The following IFIH1 variants were observed in gnomAD, a reference collection of about 807,000 sequenced individuals.
IFIH1 encodes the protein interferon induced with helicase C domain 1, also known as interferon-induced helicase C domain-containing protein 1.
Under a neutral mutation model 107.4 loss-of-function variants are expected in IFIH1, and 125 were observed. That is an observed-to-expected ratio of 1.16 (90% confidence interval 1.01 to 1.35). The LOEUF (loss-of-function observed/expected upper bound fraction) is 1.35. Ranked by LOEUF, IFIH1 falls within the 40% of genes most tolerant of loss-of-function variation. The probability of loss-of-function intolerance (pLI) is 0.00; values close to 1 mark genes in which losing one functional copy is unlikely to be tolerated. For synonymous variants in IFIH1, 458 were observed against 413.2 expected (o/e 1.11, Z -1.31); for missense variants, 1,333 against 1,213.7 (o/e 1.10, Z -1.46).
At position 162,268,130 on chromosome 2, in the gene IFIH1, C is replaced by A; in HGVS notation, c.2764G>T (p.Val922Leu). 6.2e-7 allele frequency: 1 copy of A among 1,610,710 alleles called. No individual in the cohort carries two copies. ...VLACSGEDIH[V>L]IEKMHHVNMT... ...TTGACGTGATGCATTTTCTCAATTA[C>A]ATGGATATCTTCCCCAGAACAGGCT... Residue 922 changes from valine (V) to leucine (L), a missense_variant, in exon 14 of 16, where the codon GTA (valine) becomes TTA (leucine). Val to Leu is a conservative substitution (Grantham distance 32, BLOSUM62 1). Transcript: ENST00000649979.
chr2:162,288,475 A>G (rs1682935729), intron 4 of IFIH1, 120 bp from the exon 5 acceptor site: 7 of 661,592 alleles, frequency 1.1e-5, no homozygotes, highest in Non-Finnish European at 1.8e-5. Flanking sequence ...GGTCCAAACC[A>G]ATTCATTTTC....
intron 6 of IFIH1, among the ~76,000 whole-genome samples, chr2:162,281,884 T>C (rs1429787952): frequency 3.3e-5 from 5 of 152,182 alleles, no homozygotes; most frequent in East Asian, 3.9e-4. Flanking sequence ...TTTAATAAAA[T>C]ATTTAATTTT....
intron 4 of IFIH1, among the ~76,000 whole-genome samples, chr2:162,290,273 AT>A (rs1174864031): frequency 2.0e-5 from 3 of 151,890 alleles, no homozygotes; most frequent in African/African-American, 7.2e-5. Context: ...CATTTTAATA[AT>A]AATTTCCCCC....
At chr2:162,294,525 C>A (rs984389902) in intron 3 of IFIH1, among the ~76,000 whole-genome samples, 66 of 151,868 alleles carry the variant, frequency 4.3e-4, no homozygotes, top group African/African-American at 1.5e-3. Context: ...GAAGGACTTG[C>A]AAAATTTGCT....
At chr2:162,292,433 A>G (rs1683010247) in intron 4 of IFIH1, among the ~76,000 whole-genome samples, 2 of 151,920 alleles carry the variant, frequency 1.3e-5, no homozygotes, top group South Asian at 4.1e-4. Context: ...GTTTCCTCAA[A>G]CTAATTTGTT....
At chr2:162,271,859 T>C (rs908390683) in intron 13 of IFIH1, among the ~76,000 whole-genome samples, 1 of 152,202 alleles carries the variant, frequency 6.6e-6, no homozygotes, top group East Asian at 1.9e-4. Context: ...TGGCACACAG[T>C]AGGCGTTTCA....
At chr2:162,278,747 G>A (rs986123767) in intron 8 of IFIH1, among the ~76,000 whole-genome samples, 1 of 152,102 alleles carries the variant, frequency 6.6e-6, no homozygotes, top group African/African-American at 2.4e-5. Context: ...AGTTGAAGTA[G>A]AGTCTGAATA....
intron 3 of IFIH1, among the ~76,000 whole-genome samples, chr2:162,303,681 T>C (rs770636087): frequency 5.3e-5 from 8 of 152,042 alleles, no homozygotes; most frequent in Non-Finnish European, 8.8e-5. Flanking sequence ...AATAAAAAGC[T>C]TTTCTGTCCC....
At chr2:162,304,841 T>G (rs1348547162) in intron 3 of IFIH1, among the ~76,000 whole-genome samples, 1 of 152,218 alleles carries the variant, frequency 6.6e-6, no homozygotes, top group East Asian at 1.9e-4. Flanking sequence ...TATCCCATAC[T>G]CTTGGAGAAC....
intron 2 of IFIH1, 53 bp from the exon 3 acceptor site, chr2:162,306,908 G>C: frequency 2.7e-6 from 4 of 1,499,676 alleles, no homozygotes; most frequent in Non-Finnish European, 2.8e-6. Context: ...AGTTTTTGTA[G>C]AGCATACATA....
rs779515192 is a variant in IFIH1, at chr2:162,288,325, G to A, written c.905C>T (p.Pro302Leu). 1.3e-5 allele frequency: 21 copies of A among 1,612,402 alleles called. No homozygotes were observed. The highest frequency in any genetic ancestry group is 2.7e-5 in the African/African-American group (2 of 74,758). The change falls in exon 5 of 16, where the codon CCG becomes CTG. Residue 302 changes from proline to leucine, a missense_variant. Coordinates refer to ENST00000649979, the MANE Select transcript of IFIH1 (RefSeq NM_022168.4). ...AGGCCTGAGCTGGAGTTCTGGCTCCGGGGATGCTCTTGCTGCCACATTCTC... is the reference window on the plus strand; with the variant it reads ...AGGCCTGAGCTGGAGTTCTGGCTCCAGGGATGCTCTTGCTGCCACATTCTC... Reference protein sequence around the residue: ...DEENVAARASPEPELQLRPYQ... With the variant: ...DEENVAARASLEPELQLRPYQ...
intron 3 of IFIH1, among the ~76,000 whole-genome samples, chr2:162,296,613 T>A (rs115568613): frequency 6.6e-6 from 1 of 152,272 alleles, no homozygotes; most frequent in Non-Finnish European, 1.5e-5. Context: ...CAGTGTTAAC[T>A]GAATTAAGAG....
rs116475657 is a variant in IFIH1 at position 162,272,174 on chromosome 2, C to A, written c.2616+52G>T. On this transcript the variant is annotated intron_variant, in intron 13 of 15. Transcript: ENST00000649979. The stretch of plus-strand genomic sequence containing the variant: ...GAGTCACAGAGATATCAATGGCAAC[C>A]ACATGCCGCCATTTTTAAATGAAAA... The A allele has an allele frequency of 3.3e-4, 482 of 1,447,590 alleles. 3 individuals carry two copies. The African/African-American group carries it at 6.3e-3, about 19-fold the overall frequency. The allele number at this position is 1,447,590 out of a possible 1,614,324, so 89.7% of individuals were successfully genotyped here.
Position 162,277,495 on chromosome 2 carries a change from T to C in IFIH1, c.1964A>G (p.Asp655Gly). The C allele has an allele frequency of 6.3e-7, 1 of 1,589,110 alleles. No individual in the cohort carries two copies. The highest frequency in any genetic ancestry group is 8.6e-7 in the Non-Finnish European group (1 of 1,157,972). The change falls in exon 10 of 16, where the codon GAT becomes GGT. Residue 655 changes from aspartate (D) to glycine (G), a missense_variant. Transcript: ENST00000649979. The part of the protein sequence containing the change: ...SDEGGDDEYC[D>G]GDEDEDDLKK... Reference sequence around the variant, plus strand: ...TAAATCATCCTCATCTTCATCACCATCACAATACTCATCATCACCACCCTC... The same window carrying C: ...TAAATCATCCTCATCTTCATCACCACCACAATACTCATCATCACCACCCTC...
intron 3 of IFIH1, among the ~76,000 whole-genome samples, chr2:162,293,881 A>G (rs1576231995): frequency 6.6e-6 from 1 of 151,898 alleles, no homozygotes; most frequent in South Asian, 2.1e-4. Flanking sequence ...ATTCAAATAC[A>G]TATTACCTAC....
At chr2:162,284,182 C>G (rs1173814444) in intron 5 of IFIH1, among the ~76,000 whole-genome samples, 2 of 151,914 alleles carry the variant, frequency 1.3e-5, no homozygotes, top group African/African-American at 2.4e-5. Context: ...TCTTCTCTCT[C>G]TCTTCCACAA....
chr2:162,272,173 C>T, intron 13 of IFIH1, 53 bp downstream of exon 13: 1 of 1,469,830 alleles, frequency 6.8e-7, no homozygotes, highest in Non-Finnish European at 9.4e-7. Context: ...TCAATGGCAA[C>T]CACATGCCGC....
At chr2:162,279,925 A>T (rs1682775503) in intron 8 of IFIH1, 71 bp downstream of exon 8, 1 of 884,012 alleles carries the variant, frequency 1.1e-6, no homozygotes. Context: ...GGTCAGTATA[A>T]AATAGCCTTT....
chr2:162,288,570 G>C (rs1682936949), intron 4 of IFIH1, among the ~76,000 whole-genome samples: 1 of 151,878 alleles, frequency 6.6e-6, no homozygotes, highest in Admixed American at 6.6e-5. Flanking sequence ...CTGGGGGTGT[G>C]GGGGTGCAGA....
Sources: gnomAD v4.1 joint callset for allele counts (sites outside exome capture counted in the v4.1 genomes callset) on GRCh38, gnomAD v4.1.1 for gene constraint, MANE v1.5 for transcripts, NCBI Gene and HGNC (gene_info 2026-07-23, HGNC 2026-07-21) for gene names.